The following FRMPD2 variants were observed in gnomAD, a reference collection of about 807,000 sequenced individuals.
FRMPD2 encodes FERM and PDZ domain containing 2.
In FRMPD2, 96 loss-of-function variants were observed where a neutral mutation model predicts 140.1. That is an observed-to-expected ratio of 0.69 (90% confidence interval 0.58 to 0.81). The LOEUF is 0.81. Ranked by LOEUF, FRMPD2 falls within the 40% of genes least tolerant of loss-of-function variation. The probability of loss-of-function intolerance (pLI) is 0.00; values close to 1 mark genes in which losing one functional copy is unlikely to be tolerated. For missense variants in FRMPD2, 1,240 were observed against 1,447.4 expected (o/e 0.86, Z 2.32); for synonymous variants, 449 against 547.6 (o/e 0.82, Z 2.52).
At chr10:48,203,661 T>C (rs1839138619) in intron 14 of FRMPD2, among the ~76,000 whole-genome samples, 1 of 152,186 alleles carries the variant, frequency 6.6e-6, no homozygotes, top group African/African-American at 2.4e-5. Context: ...ATTATTTGTA[T>C]TTGATACATC....
rs769573662 is a variant in FRMPD2 at position 48,206,950 on chromosome 10, C to T, written c.1612-17G>A. 1 of 1,611,776 alleles carries T rather than the reference C, an allele frequency of 6.2e-7. No homozygotes were observed. The highest frequency in any genetic ancestry group is 8.5e-7 in the Non-Finnish European group (1 of 1,178,706). ...CTGAGTGACCTGGAGCAGAAAAAGGCTGATTTAGAAGAGACAGGCACATGG... is the reference window on the plus strand; with the variant it reads ...CTGAGTGACCTGGAGCAGAAAAAGGTTGATTTAGAAGAGACAGGCACATGG... On this transcript the variant is annotated splice_polypyrimidine_tract_variant and intron_variant, in intron 13 of 28. Coordinates refer to ENST00000374201, the MANE Select transcript of FRMPD2 (RefSeq NM_001018071.4).
In FRMPD2 at chr10:48,232,256, C is replaced by G; in HGVS notation, c.1027G>C (p.Asp343His). The part of the protein sequence containing the change: ...KKGKSYLALR[D>H]LCVVLLNGQH... ...CCGTTCAGCAGGACCACACAGAGGT[C>G]CCTGAGAGCCAAATAGGATTTCCCT... The change falls in exon 10 of 29, where the codon GAC becomes CAC. Residue 343 changes from aspartate (D) to histidine (H), a missense_variant. Coordinates refer to ENST00000374201, the MANE Select transcript of FRMPD2 (RefSeq NM_001018071.4). 6.2e-7 allele frequency: 1 copy of G among 1,612,936 alleles called. No homozygotes were observed. The highest frequency in any genetic ancestry group is 8.5e-7 in the Non-Finnish European group (1 of 1,179,364).
rs1240763991 is a variant in FRMPD2, at chr10:48,242,334, G to T, written c.394C>A (p.Pro132Thr). Residue 132 changes from proline to threonine, a missense_variant, in exon 5 of 29, where the codon CCC becomes ACC. Physicochemically the swap from Pro to Thr is conservative, Grantham distance 38. Transcript: ENST00000374201. Reference protein sequence around the residue: ...PPHQPLQLCEPLHSILLTMCE... With the variant: ...PPHQPLQLCETLHSILLTMCE... ...ATGGTCAGCAGGATGGAGTGCAGGG[G>T]CTCGCAGAGCTGCAGGGGCTGGAGG... 1 of 1,613,500 alleles carries T rather than the reference G, an allele frequency of 6.2e-7. No individual in the cohort carries two copies. The highest frequency in any genetic ancestry group is 8.5e-7 in the Non-Finnish European group (1 of 1,179,578).
intron 10 of FRMPD2, among the ~76,000 whole-genome samples, chr10:48,231,410 C>A (rs1015891990): frequency 1.3e-5 from 2 of 152,234 alleles, no homozygotes; most frequent in African/African-American, 4.8e-5. Context: ...GCCACTCACA[C>A]AAGAACACTT....
Position 48,192,884 on chromosome 10 carries a change from C to T in FRMPD2, c.1965G>A (p.Lys655=), listed in dbSNP as rs754933836. 1.2e-6 allele frequency: 2 copies of T among 1,613,384 alleles called. No homozygotes were observed. Among genetic ancestry groups the T allele is most frequent in the South Asian group, 2.2e-5 (2 of 91,062 alleles). The part of the protein sequence containing the change: ...QPSHVLFDHD[K]FVQMANLSPA... ...GACTCAAATTGGCCATTTGCACAAA[C>T]TTATCATGGTCTGAATTTGGGGAGA... The change falls in exon 16 of 29, where the codon AAG becomes AAA. Residue 655 remains lysine (K), a synonymous_variant. Coordinates refer to ENST00000374201, the MANE Select transcript of FRMPD2 (RefSeq NM_001018071.4).
intron 13 of FRMPD2, among the ~76,000 whole-genome samples, chr10:48,209,406 C>A (rs982877701): frequency 1.3e-5 from 2 of 152,198 alleles, no homozygotes; most frequent in African/African-American, 4.8e-5. Context: ...TGGTATTCAG[C>A]GCTTCCCAAA....
At chr10:48,188,829 G>A (rs1838757628) in intron 16 of FRMPD2, among the ~76,000 whole-genome samples, 1 of 152,182 alleles carries the variant, frequency 6.6e-6, no homozygotes, top group Non-Finnish European at 1.5e-5. Context: ...GCCAATCACT[G>A]CCAGTCACAA....
At chr10:48,189,448 G>A (rs1838776956) in intron 16 of FRMPD2, among the ~76,000 whole-genome samples, 1 of 152,214 alleles carries the variant, frequency 6.6e-6, no homozygotes, top group South Asian at 2.1e-4. Context: ...GTAAACAACT[G>A]CTCAGGAATG....
intron 1 of FRMPD2, among the ~76,000 whole-genome samples, chr10:48,253,153 C>T (rs1176954609): frequency 6.6e-6 from 1 of 152,132 alleles, no homozygotes; most frequent in Non-Finnish European, 1.5e-5. Flanking sequence ...CATTAAAAGT[C>T]TTCTAGGCTG....
chr10:48,185,680 T>A (rs1838666556), intron 17 of FRMPD2, 35 bp from the exon 18 acceptor site: 12 of 1,523,808 alleles, frequency 7.9e-6, no homozygotes, highest in African/African-American at 2.7e-5. Context: ...ATTGTGCTTT[T>A]CCCCCAAATT....
intron 10 of FRMPD2, among the ~76,000 whole-genome samples, chr10:48,229,913 G>A (rs1442318540): frequency 6.6e-6 from 1 of 152,080 alleles, no homozygotes; most frequent in South Asian, 2.1e-4. Context: ...ACAAGTTACA[G>A]GTTTCTGATA....
intron 1 of FRMPD2, among the ~76,000 whole-genome samples, chr10:48,270,681 G>C (rs904381310): frequency 1.3e-5 from 2 of 151,858 alleles, no homozygotes; most frequent in African/African-American, 4.8e-5. Context: ...TAGATGTAGA[G>C]AGCTGAATTC....
intron 7 of FRMPD2, 55 bp downstream of exon 7, chr10:48,239,550 C>A: frequency 7.8e-7 from 1 of 1,287,802 alleles, no homozygotes. Context: ...TACCATAGCC[C>A]CCACACCTAT....
intron 1 of FRMPD2, among the ~76,000 whole-genome samples, chr10:48,257,400 C>T (rs1840510539): frequency 6.6e-6 from 1 of 152,016 alleles, no homozygotes; most frequent in South Asian, 2.1e-4. Flanking sequence ...CTGCCTCAAC[C>T]TCCTGAGTAG....
At chr10:48,184,464 T>C (rs1163251502) in intron 20 of FRMPD2, 102 bp downstream of exon 20, 2 of 722,846 alleles carry the variant, frequency 2.8e-6, no homozygotes, top group Non-Finnish European at 4.9e-6. Context: ...GAAAGCAATA[T>C]AGAAGACCTA....
chr10:48,220,562 T>C (rs1292385113), intron 12 of FRMPD2, among the ~76,000 whole-genome samples: 1 of 152,082 alleles, frequency 6.6e-6, no homozygotes, highest in African/African-American at 2.4e-5. Flanking sequence ...CAAAAGCAAA[T>C]GTAACAAAAA....
At chr10:48,161,154 A>G (rs1239181120) in intron 28 of FRMPD2, among the ~76,000 whole-genome samples, 2 of 150,886 alleles carry the variant, frequency 1.3e-5, no homozygotes, top group Admixed American at 1.3e-4. Context: ...GGGTACATGG[A>G]CCATGTGGGC....
At chr10:48,214,302 T>C (rs1839395439) in intron 12 of FRMPD2, among the ~76,000 whole-genome samples, 1 of 152,244 alleles carries the variant, frequency 6.6e-6, no homozygotes, top group African/African-American at 2.4e-5. Flanking sequence ...AATTTAGAGA[T>C]TCATCTCCAT....
chr10:48,183,075 A>G (rs2059957), intron 20 of FRMPD2, among the ~76,000 whole-genome samples: 92,144 of 152,094 alleles, frequency 0.61, 28,294 homozygotes, highest in Middle Eastern at 0.65. Context: ...GCTTCTGGAC[A>G]GGGGAGCTGC....
Sources: gnomAD v4.1 joint callset for allele counts (sites outside exome capture counted in the v4.1 genomes callset) on GRCh38, gnomAD v4.1.1 for gene constraint, MANE v1.5 for transcripts, NCBI Gene and HGNC (gene_info 2026-07-23, HGNC 2026-07-21) for gene names.